Variants in PRICKLE1 observed in about 807,000 individuals in gnomAD.
PRICKLE1 encodes the protein prickle planar cell polarity protein 1, also known as prickle-like protein 1.
Under a neutral mutation model 70.2 loss-of-function variants are expected in PRICKLE1, and 14 were observed. That is an observed-to-expected ratio of 0.20 (90% CI 0.13 to 0.31). The LOEUF is 0.31. PRICKLE1 is among the 10% of genes least tolerant of loss of function. PRICKLE1 has a pLI of 1.00. For missense variants in PRICKLE1, 821 were observed against 1,026.2 expected (o/e 0.80, Z 2.73); for synonymous variants, 357 against 379.9 (o/e 0.94, Z 0.70).
intron 1 of PRICKLE1, among the ~76,000 whole-genome samples, chr12:42,479,270 G>T (rs1227649552): frequency 6.6e-6 from 1 of 152,200 alleles, no homozygotes; most frequent in Non-Finnish European, 1.5e-5. Context: ...TTTTGAGCTT[G>T]CGAGAGCTCT....
At chr12:42,461,837 C>G (rs751373217) in intron 7 of PRICKLE1, among the ~76,000 whole-genome samples, 1 of 152,160 alleles carries the variant, frequency 6.6e-6, no homozygotes, top group Non-Finnish European at 1.5e-5. Context: ...CTCGCTCTGT[C>G]GCCCAGGCTG....
In PRICKLE1 at chr12:42,589,651, A is replaced by C. The variant is rs1282229381; in HGVS notation, c.-235T>G. On this transcript the variant is annotated 5_prime_UTR_variant, in exon 1 of 8. An upstream open reading frame in the 5' UTR loses its in-frame stop. Coordinates refer to ENST00000345127, the MANE Select transcript of PRICKLE1 (RefSeq NM_153026.3). This position sits in a 1 kb window ranked among gnomAD's most constrained non-coding sequence, Gnocchi z 5.0. ...GACCGCGGCGCGTCTCGGGGAAGTC[A>C]GCGCAGGCTGCGCGAGGCTGGCATG... The C allele has an allele frequency of 2.0e-5, 3 of 152,126 alleles. No individual in the cohort carries two copies. Among genetic ancestry groups the C allele is most frequent in the Non-Finnish European group, 4.4e-5 (3 of 68,024 alleles). The allele number at this position is 152,126 out of a possible 1,614,324, so 9.4% of individuals were successfully genotyped here. A position where few individuals can be genotyped will look rare whatever the true frequency, so the allele number is the denominator to read the frequency against.
At chr12:42,465,759 G>A (rs1321341349) in intron 6 of PRICKLE1, 5 of 287,194 alleles carry the variant, frequency 1.7e-5, no homozygotes, top group Admixed American at 9.9e-5. Flanking sequence ...CATGTATTAC[G>A]TAAGCTCCTA....
At chr12:42,467,201 C>T (rs574308610) in intron 5 of PRICKLE1, among the ~76,000 whole-genome samples, 3 of 152,084 alleles carry the variant, frequency 2.0e-5, no homozygotes, top group South Asian at 2.1e-4. Flanking sequence ...CTGCAACCTC[C>T]GCCTCCTGGG....
chr12:42,467,479 C>T (rs1938145581), intron 5 of PRICKLE1, among the ~76,000 whole-genome samples: 1 of 151,836 alleles, frequency 6.6e-6, no homozygotes, highest in African/African-American at 2.4e-5. Flanking sequence ...GGTGGCTCAC[C>T]CTGGTATTCC....
chr12:42,554,550 C>T (rs571947442), intron 1 of PRICKLE1, among the ~76,000 whole-genome samples: 1 of 152,246 alleles, frequency 6.6e-6, no homozygotes, highest in South Asian at 2.1e-4. Flanking sequence ...TTGTATTTCC[C>T]TTTTAGACTC....
At chr12:42,572,464 TA>T (rs1566132156) in intron 1 of PRICKLE1, among the ~76,000 whole-genome samples, 15 of 148,710 alleles carry the variant, frequency 1.0e-4, no homozygotes, top group African/African-American at 3.8e-4. Flanking sequence ...AATAAATAAA[TA>T]AATAAATTAA....
chr12:42,553,783 A>T (rs2120667132), intron 1 of PRICKLE1, among the ~76,000 whole-genome samples: 1 of 152,240 alleles, frequency 6.6e-6, no homozygotes, highest in African/African-American at 2.4e-5. Context: ...ATCACTGAAC[A>T]TCTGCCTCAG....
chr12:42,518,103 AT>A (rs11404993), intron 1 of PRICKLE1, among the ~76,000 whole-genome samples: 285 of 147,124 alleles, frequency 1.9e-3, no homozygotes, highest in Admixed American at 2.2e-3. Flanking sequence ...GTTTCTGAGG[AT>A]TTTTTTTTTT....
At chr12:42,507,529 T>G (rs1041522322) in intron 1 of PRICKLE1, among the ~76,000 whole-genome samples, 10 of 152,226 alleles carry the variant, frequency 6.6e-5, no homozygotes, top group Non-Finnish European at 1.5e-4. Flanking sequence ...TATTCCTTTC[T>G]CCTTGCACCA....
chr12:42,533,778 T>C (rs2120560914), intron 1 of PRICKLE1, among the ~76,000 whole-genome samples: 1 of 152,244 alleles, frequency 6.6e-6, no homozygotes, highest in Middle Eastern at 3.4e-3. Context: ...CAGAAAGGAA[T>C]GTCACACGCA....
chr12:42,505,730 C>A (rs1939396469), intron 1 of PRICKLE1, among the ~76,000 whole-genome samples: 1 of 152,188 alleles, frequency 6.6e-6, no homozygotes, highest in Admixed American at 6.5e-5. Context: ...GCCACTGAGC[C>A]CGGCCCAGGT....
rs192112295 is a variant in PRICKLE1, at chr12:42,522,069, G to A, written c.-48-49505C>T. ...CGGCTCACTGCAAGCTCCACCTCGCGGGTTCAAGTGATTCTCCTGTCTCAA... is the reference window on the plus strand; with the variant it reads ...CGGCTCACTGCAAGCTCCACCTCGCAGGTTCAAGTGATTCTCCTGTCTCAA... On this transcript the variant is annotated intron_variant, in intron 1 of 7. Transcript: ENST00000345127. Among the ~76,000 whole-genome samples, 703 of 151,662 alleles carry A rather than the reference G, an allele frequency of 4.6e-3. 3 individuals are homozygous for A. Among genetic ancestry groups the A allele is most frequent in the African/African-American group, 0.016 (665 of 41,352 alleles).
chr12:42,545,887 A>AT (rs1940201123), intron 1 of PRICKLE1, among the ~76,000 whole-genome samples: 1 of 150,240 alleles, frequency 6.7e-6, no homozygotes, highest in East Asian at 1.9e-4. Context: ...TGGAAGGAAA[A>AT]ATATATCCAT....
intron 1 of PRICKLE1, among the ~76,000 whole-genome samples, chr12:42,527,186 G>A (rs1235960376): frequency 7.1e-6 from 1 of 141,496 alleles, no homozygotes; most frequent in Non-Finnish European, 1.5e-5. Context: ...CGGATGGAGT[G>A]CAGTGGCACA....
intron 1 of PRICKLE1, among the ~76,000 whole-genome samples, chr12:42,561,915 T>C (rs1453212933): frequency 6.9e-6 from 1 of 145,298 alleles, no homozygotes; most frequent in Non-Finnish European, 1.5e-5. Flanking sequence ...CTTTTTTTTT[T>C]TTTTTTTTTT....
In PRICKLE1 at chr12:42,496,951, T is replaced by C. The variant is rs554332565; in HGVS notation, c.-48-24387A>G. Among the ~76,000 whole-genome samples, 5 of 152,386 alleles carry C rather than the reference T, an allele frequency of 3.3e-5. No homozygotes were observed. In the South Asian group the frequency reaches 1.0e-3, roughly 32 times the overall value. On this transcript the variant is annotated intron_variant, in intron 1 of 7. Coordinates refer to ENST00000345127, the MANE Select transcript of PRICKLE1 (RefSeq NM_153026.3). ...TTCATGTTCACTGGATTAGCACTTT[T>C]AATTACCTTCAAGAACTATTCCTTT...
chr12:42,479,928 T>C (rs1459667896), intron 1 of PRICKLE1, among the ~76,000 whole-genome samples: 2 of 152,022 alleles, frequency 1.3e-5, no homozygotes, highest in Non-Finnish European at 2.9e-5. Context: ...CACTCCAGCC[T>C]GGGCAACAAG....
intron 1 of PRICKLE1, among the ~76,000 whole-genome samples, chr12:42,481,121 G>A (rs1938777507): frequency 6.6e-6 from 1 of 152,116 alleles, no homozygotes; most frequent in African/African-American, 2.4e-5. Flanking sequence ...AAGTACCTTA[G>A]GGCAACTCAG....
Sources: allele counts gnomAD v4.1 joint callset (sites outside exome capture counted in the v4.1 genomes callset), GRCh38; gene constraint gnomAD v4.1.1; non-coding constraint Gnocchi (gnomAD v3.1); transcripts MANE v1.5; gene names NCBI Gene and HGNC (gene_info 2026-07-23, HGNC 2026-07-21).